Variants in ATXN7L1 observed in about 807,000 individuals in gnomAD.
The protein encoded by ATXN7L1 is ataxin-7-like protein 1.
ATXN7L1 carries 15 observed loss-of-function variants against 70.8 expected under a neutral mutation model. The observed-to-expected ratio is 0.21, with a 90% confidence interval of 0.14 to 0.33. ATXN7L1 has a LOEUF of 0.33. Among genes scored for constraint, ATXN7L1 ranks in the 10% least tolerant of loss-of-function variants. The pLI, the probability that ATXN7L1 is intolerant of heterozygous loss-of-function variation, is 1.00. For missense variants in ATXN7L1, 975 were observed against 1,097.1 expected, an observed-to-expected ratio of 0.89 and a Z score of 1.57; for synonymous variants, 440 against 445.1, an observed-to-expected ratio of 0.99 and a Z score of 0.14.
At chr7:105,873,178 AAACAAAACAAC>A (rs1047336222) in intron 2 of ATXN7L1, among the ~76,000 whole-genome samples, 7 of 151,958 alleles carry the variant, frequency 4.6e-5, no homozygotes, top group African/African-American at 1.7e-4. Flanking sequence ...AAACAAAACA[AAACAAAACAAC>A]AACAACAACA....
chr7:105,733,567 CTT>C (rs1796886659), intron 3 of ATXN7L1, among the ~76,000 whole-genome samples: 1 of 49,222 alleles, frequency 2.0e-5, no homozygotes. Context: ...CCCATCCATC[CTT>C]CCATCCATCC....
At chr7:105,646,418 T>C (rs1799034712) in intron 4 of ATXN7L1, among the ~76,000 whole-genome samples, 1 of 152,106 alleles carries the variant, frequency 6.6e-6, no homozygotes, top group Non-Finnish European at 1.5e-5. Context: ...GGCCAGGTGT[T>C]TTTTTGTTTT....
chr7:105,680,358 G>A (rs938713526), intron 3 of ATXN7L1, among the ~76,000 whole-genome samples: 7 of 152,228 alleles, frequency 4.6e-5, no homozygotes, highest in Admixed American at 2.0e-4. Flanking sequence ...TCCCCCGTGG[G>A]AGAATTATTC....
At chr7:105,844,907 A>AT (rs1813748256) in intron 2 of ATXN7L1, among the ~76,000 whole-genome samples, 1 of 152,170 alleles carries the variant, frequency 6.6e-6, no homozygotes, top group Non-Finnish European at 1.5e-5. Context: ...AAGAACATAC[A>AT]TAAGAATCAG....
chr7:105,672,402 T>G lies in ATXN7L1; in HGVS notation c.356-7114A>C, dbSNP rs1387980939. ...TATTCCTTGTCAACTAACATTATTCTGCATATACATATCAAATTCCCACAT... is the reference window on the plus strand; with the variant it reads ...TATTCCTTGTCAACTAACATTATTCGGCATATACATATCAAATTCCCACAT... On this transcript the variant is annotated intron_variant, in intron 3 of 11. Coordinates refer to ENST00000419735, the MANE Select transcript of ATXN7L1 (RefSeq NM_020725.2). Among the ~76,000 whole-genome samples, 5 of 152,252 alleles carry G rather than the reference T, an allele frequency of 3.3e-5. No homozygotes were observed. In the East Asian group the frequency reaches 9.6e-4, roughly 29 times the overall value.
chr7:105,675,454 C>T (rs1033297469), intron 3 of ATXN7L1, among the ~76,000 whole-genome samples: 7 of 152,074 alleles, frequency 4.6e-5, no homozygotes, highest in Non-Finnish European at 7.4e-5. Flanking sequence ...GAAAGCCCGT[C>T]TCTACTAAAA....
chr7:105,633,932 G>A (rs1221365558), intron 7 of ATXN7L1, among the ~76,000 whole-genome samples: 1 of 152,168 alleles, frequency 6.6e-6, no homozygotes, highest in Non-Finnish European at 1.5e-5. Context: ...GTGCTCGTGT[G>A]TGCACACACA....
At chr7:105,761,304 G>T (rs1800501626) in intron 3 of ATXN7L1, 2 of 1,603,630 alleles carry the variant, frequency 1.2e-6, no homozygotes, top group African/African-American at 1.3e-5. Context: ...TCCTCTTCCA[G>T]GAAGCCGTCT....
chr7:105,862,834 G>C (rs1161777547), intron 2 of ATXN7L1, among the ~76,000 whole-genome samples: 1 of 152,146 alleles, frequency 6.6e-6, no homozygotes, highest in Non-Finnish European at 1.5e-5. Context: ...AGTAAATGTT[G>C]CCACATCGCC....
chr7:105,850,915 C>A (rs990258417), intron 2 of ATXN7L1, among the ~76,000 whole-genome samples: 1 of 152,090 alleles, frequency 6.6e-6, no homozygotes, highest in Non-Finnish European at 1.5e-5. Flanking sequence ...CCATCTCTGC[C>A]CCCAGGATAT....
At chr7:105,822,993 T>G (rs1264749844) in intron 2 of ATXN7L1, among the ~76,000 whole-genome samples, 1 of 152,218 alleles carries the variant, frequency 6.6e-6, no homozygotes, top group Non-Finnish European at 1.5e-5. Context: ...CAAAAATTTT[T>G]ACTGATAAGG....
intron 3 of ATXN7L1, among the ~76,000 whole-genome samples, chr7:105,706,774 C>A (rs1397108339): frequency 6.6e-6 from 1 of 152,196 alleles, no homozygotes; most frequent in Non-Finnish European, 1.5e-5. Context: ...ATAGCTCGAT[C>A]CAACTGTGGG....
In ATXN7L1 at chr7:105,836,828, G is replaced by A. The variant is rs141354358; in HGVS notation, c.250+38984C>T. Among the ~76,000 whole-genome samples, 91 of 152,296 alleles carry A rather than the reference G, an allele frequency of 6.0e-4. 1 individual carries two copies. In the Middle Eastern group the frequency reaches 0.024, roughly 40 times the overall value. ...GTAATCCCAGCACTTTTGGGAGGCTGAGACAGATCACCTGAGGTCAGGAGT... is the reference window on the plus strand; with the variant it reads ...GTAATCCCAGCACTTTTGGGAGGCTAAGACAGATCACCTGAGGTCAGGAGT... On this transcript the variant is annotated intron_variant, in intron 2 of 11. Coordinates refer to ENST00000419735, the MANE Select transcript of ATXN7L1 (RefSeq NM_020725.2).
chr7:105,721,936 C>A (rs538193355), intron 3 of ATXN7L1, among the ~76,000 whole-genome samples: 17 of 152,344 alleles, frequency 1.1e-4, no homozygotes, highest in African/African-American at 3.8e-4. Flanking sequence ...TAAATTCCCA[C>A]CTCTAAGCTA....
At position 105,862,121 on chromosome 7, in the gene ATXN7L1, T is replaced by C. The variant is rs192046736; in HGVS notation, c.250+13691A>G. On this transcript the variant is annotated intron_variant, in intron 2 of 11. Coordinates refer to ENST00000419735, the MANE Select transcript of ATXN7L1 (RefSeq NM_020725.2). ...GGCTGTTGTACATGGGTTGGCCAAA[T>C]GGATTCAACCTTAAGCAAATGTAAC... Among the ~76,000 whole-genome samples, 263 of 152,304 alleles carry C rather than the reference T, an allele frequency of 1.7e-3. 1 individual carries two copies. The highest frequency in any genetic ancestry group is 2.7e-3 in the Non-Finnish European group (185 of 68,030).
chr7:105,868,538 A>G (rs1488788507), intron 2 of ATXN7L1, among the ~76,000 whole-genome samples: 1 of 152,204 alleles, frequency 6.6e-6, no homozygotes, highest in Non-Finnish European at 1.5e-5. Flanking sequence ...ACAGCTCTCT[A>G]AGATAAATGG....
intron 4 of ATXN7L1, among the ~76,000 whole-genome samples, chr7:105,656,149 G>A (rs1005032098): frequency 1.3e-5 from 2 of 152,212 alleles, no homozygotes; most frequent in Non-Finnish European, 2.9e-5. Context: ...GCCAGACCAG[G>A]GTTACCGAAG....
intron 4 of ATXN7L1, among the ~76,000 whole-genome samples, chr7:105,659,123 C>T (rs1801172030): frequency 6.6e-6 from 1 of 151,154 alleles, no homozygotes; most frequent in South Asian, 2.1e-4. Context: ...GGTGACACAG[C>T]AGGACTCCGA....
intron 3 of ATXN7L1, among the ~76,000 whole-genome samples, chr7:105,757,578 A>ATTTTTT (rs34846815): frequency 1.6e-5 from 1 of 62,464 alleles, no homozygotes; most frequent in Non-Finnish European, 3.1e-5. Flanking sequence ...ACCTTTCTGT[A>ATTTTTT]TTTTTTTTTT....
Sources: gnomAD v4.1 joint callset for allele counts (sites outside exome capture counted in the v4.1 genomes callset) on GRCh38, gnomAD v4.1.1 for gene constraint, MANE v1.5 for transcripts, NCBI Gene and HGNC (gene_info 2026-07-23, HGNC 2026-07-21) for gene names.